CCDC148: variants seen among roughly 807,000 people sequenced by gnomAD.
The protein encoded by CCDC148 is coiled-coil domain-containing protein 148.
Under a neutral mutation model 85.7 loss-of-function variants are expected in CCDC148, and 89 were observed. That is an observed-to-expected ratio of 1.04 (90% CI 0.87 to 1.24). The LOEUF is 1.24. CCDC148 is among the 50% of genes most tolerant of loss of function. CCDC148 has a pLI of 0.00. For missense variants in CCDC148, 692 were observed against 671.7 expected (o/e 1.03, Z -0.33); for synonymous variants, 230 against 213.9 (o/e 1.08, Z -0.66).
At chr2:158,219,083 A>G (rs1236379549) in intron 11 of CCDC148, among the ~76,000 whole-genome samples, 1 of 152,166 alleles carries the variant, frequency 6.6e-6, no homozygotes, top group South Asian at 2.1e-4. Context: ...TTCCAAAATT[A>G]TATGTGAGTC....
At position 158,350,568 on chromosome 2, in the gene CCDC148, CTA is replaced by C. The variant is rs1057316860; in HGVS notation, c.148-5252_148-5251del. 5.3e-5 allele frequency among the ~76,000 whole-genome samples: 8 copies of C among 152,208 alleles called. No homozygotes were observed. The South Asian group carries it at 1.5e-3, about 28-fold the overall frequency. ...GATGTCCCAATCATGGGAATTTTTC[CTA>C]TGAGAGTAGAGGATTCTAAAACATG... On this transcript the variant is annotated intron_variant, in intron 2 of 13. Transcript: ENST00000283233.
intron 9 of CCDC148, among the ~76,000 whole-genome samples, chr2:158,261,920 T>C (rs1036862453): frequency 2.0e-5 from 3 of 152,016 alleles, no homozygotes; most frequent in African/African-American, 7.2e-5. Context: ...TTGGTGTAAG[T>C]GTAAATTAGT....
intron 1 of CCDC148, among the ~76,000 whole-genome samples, chr2:158,433,036 G>T (rs563171996): frequency 7.5e-6 from 1 of 134,158 alleles, no homozygotes; most frequent in African/African-American, 2.8e-5. Context: ...TCAGGAGTAT[G>T]AGACCAGCAT....
chr2:158,293,971 TCCCCCCCCCCC>T (rs1691026171), intron 9 of CCDC148, among the ~76,000 whole-genome samples: 1 of 34,720 alleles, frequency 2.9e-5, no homozygotes, highest in Non-Finnish European at 5.6e-5. Flanking sequence ...CCTCCCTCCC[TCCCCCCCCCCC>T]TCCCTCCCTC....
At chr2:158,433,225 A>C (rs1215586945) in intron 1 of CCDC148, among the ~76,000 whole-genome samples, 1 of 137,346 alleles carries the variant, frequency 7.3e-6, no homozygotes, top group Non-Finnish European at 1.6e-5. Flanking sequence ...AAACCACTGT[A>C]CTATAGCCGG....
chr2:158,177,236 T>C (rs1281442391), intron 12 of CCDC148, among the ~76,000 whole-genome samples: 3 of 151,732 alleles, frequency 2.0e-5, no homozygotes. Context: ...TACTGAAAAA[T>C]TGCAAAGTCA....
intron 11 of CCDC148, among the ~76,000 whole-genome samples, chr2:158,215,404 A>G (rs909990332): frequency 6.6e-6 from 1 of 152,206 alleles, no homozygotes; most frequent in Non-Finnish European, 1.5e-5. Context: ...GAGATACAAA[A>G]GAAGTATGAC....
intron 11 of CCDC148, among the ~76,000 whole-genome samples, chr2:158,202,212 C>T (rs1324715870): frequency 6.6e-6 from 1 of 152,236 alleles, no homozygotes; most frequent in African/African-American, 2.4e-5. Flanking sequence ...TACACATACG[C>T]ACAATCACTT....
intron 1 of CCDC148, among the ~76,000 whole-genome samples, chr2:158,370,659 A>G (rs1054546542): frequency 2.6e-5 from 4 of 151,654 alleles, no homozygotes; most frequent in Admixed American, 6.6e-5. Context: ...AGTTTGTGTA[A>G]GATAAATTTA....
At chr2:158,388,336 G>A (rs796687095) in intron 1 of CCDC148, among the ~76,000 whole-genome samples, 41 of 152,222 alleles carry the variant, frequency 2.7e-4, no homozygotes, top group African/African-American at 9.4e-4. Flanking sequence ...ACAAGGGCAG[G>A]GAACAGTACC....
chr2:158,367,638 T>C (rs922660927), intron 1 of CCDC148, among the ~76,000 whole-genome samples: 2 of 152,204 alleles, frequency 1.3e-5, no homozygotes, highest in Non-Finnish European at 2.9e-5. Context: ...ATTATGGCCA[T>C]AAGAAATCTG....
chr2:158,396,881 G>C (rs1377093686), intron 1 of CCDC148, among the ~76,000 whole-genome samples: 3 of 151,952 alleles, frequency 2.0e-5, no homozygotes, highest in African/African-American at 7.2e-5. Flanking sequence ...ACTACTCTTA[G>C]GTGGGAAGGT....
intron 7 of CCDC148, among the ~76,000 whole-genome samples, chr2:158,327,062 A>T (rs564478973): frequency 6.6e-6 from 1 of 152,264 alleles, no homozygotes; most frequent in East Asian, 1.9e-4. Flanking sequence ...ACTAGTTCCT[A>T]TTGATATTAA....
chr2:158,242,614 A>T (rs1574473067), intron 10 of CCDC148, among the ~76,000 whole-genome samples: 1 of 145,172 alleles, frequency 6.9e-6, no homozygotes, highest in Non-Finnish European at 1.5e-5. Context: ...GGCCTTCCAC[A>T]TCTGCTACCC....
chr2:158,344,253 TA>T (rs1294807477), intron 3 of CCDC148, among the ~76,000 whole-genome samples: 2 of 152,136 alleles, frequency 1.3e-5, no homozygotes, highest in Non-Finnish European at 2.9e-5. Flanking sequence ...TCATTGTATT[TA>T]AAGTAGCTGT....
At chr2:158,233,895 A>G (rs947033079) in intron 10 of CCDC148, among the ~76,000 whole-genome samples, 3 of 152,148 alleles carry the variant, frequency 2.0e-5, no homozygotes, top group Non-Finnish European at 4.4e-5. Flanking sequence ...AATTGGCTTC[A>G]GGTTGGGTGC....
chr2:158,275,598 CA>C (rs1439485999), intron 9 of CCDC148, among the ~76,000 whole-genome samples: 2 of 152,046 alleles, frequency 1.3e-5, no homozygotes, highest in Non-Finnish European at 2.9e-5. Flanking sequence ...CTTTCTTTAT[CA>C]AATCCCTGTC....
intron 2 of CCDC148, among the ~76,000 whole-genome samples, chr2:158,346,923 T>A (rs947163425): frequency 6.8e-6 from 1 of 146,618 alleles, no homozygotes; most frequent in East Asian, 2.0e-4. Flanking sequence ...AAGATTACTT[T>A]TAAAAAATAC....
rs1463019952 is a variant in CCDC148, at chr2:158,226,692, C to A, written c.1252-5979G>T. 5.3e-5 allele frequency among the ~76,000 whole-genome samples: 8 copies of A among 152,116 alleles called. No homozygotes were observed. In the South Asian group the frequency reaches 6.2e-4, roughly 12 times the overall value. On this transcript the variant is annotated intron_variant, in intron 10 of 13. Coordinates refer to ENST00000283233, the MANE Select transcript of CCDC148 (RefSeq NM_138803.4). Reference sequence around the variant, plus strand: ...ACATAATCCAGCATATAAACAGAACCAACGACAAAAACCACATGATTATCT... The same window carrying A: ...ACATAATCCAGCATATAAACAGAACAAACGACAAAAACCACATGATTATCT...
Sources: gnomAD v4.1 joint callset for allele counts (sites outside exome capture counted in the v4.1 genomes callset) on GRCh38, gnomAD v4.1.1 for gene constraint, MANE v1.5 for transcripts, NCBI Gene and HGNC (gene_info 2026-07-23, HGNC 2026-07-21) for gene names.